The following RARB variants were observed in gnomAD, a reference collection of about 807,000 sequenced individuals.
RARB encodes the protein HBV-activated protein.
Under a neutral mutation model 51.9 loss-of-function variants are expected in RARB, and 17 were observed. That is an observed-to-expected ratio of 0.33 (90% CI 0.22 to 0.49). The LOEUF (loss-of-function observed/expected upper bound fraction) is 0.49. RARB is among the 20% of genes least tolerant of loss of function. RARB has a pLI of 0.99. For missense variants in RARB, 369 were observed against 550.8 expected (o/e 0.67, Z 3.30); for synonymous variants, 215 against 195.4 (o/e 1.10, Z -0.84).
At chr3:25,553,321 C>G (rs1418635417) in intron 3 of RARB, among the ~76,000 whole-genome samples, 1 of 152,186 alleles carries the variant, frequency 6.6e-6, no homozygotes, top group Non-Finnish European at 1.5e-5. Flanking sequence ...TTCACCACCC[C>G]TCAAGGAATG....
At chr3:25,430,644 G>A (rs531716694) in intron 1 of RARB, among the ~76,000 whole-genome samples, 8 of 152,202 alleles carry the variant, frequency 5.3e-5, no homozygotes, top group African/African-American at 9.7e-5. Flanking sequence ...TAGGGAGAGC[G>A]AGCGGTGAAT....
At position 25,576,565 on chromosome 3, in the gene RARB, G is replaced by A. The variant is rs116301462; in HGVS notation, c.610-3981G>A. 6.0e-3 allele frequency among the ~76,000 whole-genome samples: 916 copies of A among 152,312 alleles called. 9 individuals are homozygous for A. Among genetic ancestry groups the A allele is most frequent in the African/African-American group, 0.021 (878 of 41,566 alleles). ...TTTCCAAGGTCATGTCCCAGCTCAGGAATCTTAGACGATGGTGGTCCAGGA... is the reference window on the plus strand; with the variant it reads ...TTTCCAAGGTCATGTCCCAGCTCAGAAATCTTAGACGATGGTGGTCCAGGA... On this transcript the variant is annotated intron_variant, in intron 4 of 7. Transcript: ENST00000330688.
chr3:25,348,190 G>A (rs1705452655), intron 5 of RARB, among the ~76,000 whole-genome samples: 1 of 152,030 alleles, frequency 6.6e-6, no homozygotes, highest in South Asian at 2.1e-4. Context: ...GACAAATTTA[G>A]GTAACCCCAC....
At chr3:25,560,108 A>G (rs969111120) in intron 3 of RARB, among the ~76,000 whole-genome samples, 3 of 152,222 alleles carry the variant, frequency 2.0e-5, no homozygotes. Flanking sequence ...TCTAAAAATT[A>G]ATAGAATGCA....
At chr3:24,900,815 A>T (rs1033068307) in intron 2 of RARB, among the ~76,000 whole-genome samples, 2 of 152,226 alleles carry the variant, frequency 1.3e-5, no homozygotes, top group African/African-American at 4.8e-5. Context: ...AAGTGATGTT[A>T]TAATAAAATT....
chr3:25,236,791 C>A (rs1468275506), intron 5 of RARB, among the ~76,000 whole-genome samples: 1 of 151,796 alleles, frequency 6.6e-6, no homozygotes, highest in African/African-American at 2.4e-5. Context: ...TCTCCTCATG[C>A]AATACATTTT....
At chr3:25,252,339 G>A (rs541587419) in intron 5 of RARB, among the ~76,000 whole-genome samples, 1 of 152,174 alleles carries the variant, frequency 6.6e-6, no homozygotes, top group East Asian at 1.9e-4. Context: ...GGGGACCTTT[G>A]CAATTATATA....
chr3:25,490,438 G>C (rs933207512), intron 2 of RARB, among the ~76,000 whole-genome samples: 16 of 152,180 alleles, frequency 1.1e-4, no homozygotes, highest in African/African-American at 3.6e-4. Flanking sequence ...TTATGGTAGA[G>C]CCATGTTCTG....
At chr3:25,236,345 C>G (rs1022934515) in intron 5 of RARB, among the ~76,000 whole-genome samples, 1 of 152,110 alleles carries the variant, frequency 6.6e-6, no homozygotes, top group Non-Finnish European at 1.5e-5. Flanking sequence ...GATAATAATA[C>G]CCTGTTAATT....
Position 25,343,242 on chromosome 3 carries a change from T to A in RARB, c.179-117951T>A, listed in dbSNP as rs17016221. 6.5e-3 allele frequency among the ~76,000 whole-genome samples: 992 copies of A among 152,274 alleles called. 11 individuals are homozygous for A. The highest frequency in any genetic ancestry group is 0.023 in the African/African-American group (948 of 41,552). ...TTCTCTCTGCTCTTCTACTCTAGGC[T>A]ATGAGAATCTTGGAGGTAAGAACCA... is the stretch of plus-strand genomic sequence containing the variant. On this transcript the variant is annotated intron_variant, in intron 5 of 11. Coordinates refer to the RARB transcript ENST00000383772.
Position 25,271,020 on chromosome 3 carries a change from A to G in RARB, c.178+96445A>G, listed in dbSNP as rs182820631. On this transcript the variant is annotated intron_variant, in intron 5 of 11. Coordinates refer to the RARB transcript ENST00000383772. ...AGATCTTCTTTTATTCCATAAGTAC[A>G]TCACTCATTCCAGCTTCTAGTGAAA... Among the ~76,000 whole-genome samples, 3 of 150,616 alleles carry G rather than the reference A, an allele frequency of 2.0e-5. No homozygotes were observed. The East Asian group carries it at 6.1e-4, about 30-fold the overall frequency.
At chr3:25,033,413 G>A (rs6809400) in intron 2 of RARB, among the ~76,000 whole-genome samples, 3,670 of 152,294 alleles carry the variant, frequency 0.024, 153 homozygotes, top group African/African-American at 0.084. Flanking sequence ...ATGTGGGAGA[G>A]ATGGTGAATC....
intron 2 of RARB, among the ~76,000 whole-genome samples, chr3:24,993,931 A>T (rs1483534229): frequency 1.3e-5 from 2 of 152,138 alleles, no homozygotes; most frequent in African/African-American, 4.8e-5. Context: ...TTGATTCCGT[A>T]TCTTGGCTAT....
intron 5 of RARB, among the ~76,000 whole-genome samples, chr3:25,246,158 T>C (rs1459398680): frequency 6.6e-6 from 1 of 152,128 alleles, no homozygotes; most frequent in Non-Finnish European, 1.5e-5. Flanking sequence ...TGCTGTGTTT[T>C]TCAGCTCCAT....
Position 25,163,504 on chromosome 3 carries a change from A to AATATATATATATATATAT in RARB, c.-279-10598_-279-10581dup, listed in dbSNP as rs138389529. Among the ~76,000 whole-genome samples the AATATATATATATATATAT allele has an allele frequency of 4.0e-3, 527 of 130,808 alleles. 2 individuals carry two copies. The highest frequency in any genetic ancestry group is 5.1e-3 in the Non-Finnish European group (318 of 62,702). The allele number at this position is 130,808 out of a possible 152,430, so 85.8% of individuals were successfully genotyped here. ...TGAGCAGAATAAGACCCTATCTCAA[A>AATATATATATATATATAT]ATATATATATATATATATATATATA... is the stretch of plus-strand genomic sequence containing the variant. On this transcript the variant is annotated intron_variant, in intron 4 of 11. Transcript: ENST00000383772.
At chr3:24,908,380 ACAGT>A (rs773820025) in intron 2 of RARB, among the ~76,000 whole-genome samples, 11 of 152,344 alleles carry the variant, frequency 7.2e-5, no homozygotes, top group Non-Finnish European at 1.6e-4. Context: ...AGAAGAGATT[ACAGT>A]CACCATATGC....
At chr3:25,024,729 G>A (rs1056966551) in intron 2 of RARB, among the ~76,000 whole-genome samples, 7 of 152,048 alleles carry the variant, frequency 4.6e-5, no homozygotes, top group Admixed American at 4.6e-4. Context: ...AGACGGGCCA[G>A]ATCACTTGAG....
intron 3 of RARB, among the ~76,000 whole-genome samples, chr3:25,107,112 G>T (rs1699521308): frequency 6.6e-6 from 1 of 152,118 alleles, no homozygotes; most frequent in South Asian, 2.1e-4. Context: ...TGTTGACCAG[G>T]CTGGTCATGA....
intron 5 of RARB, among the ~76,000 whole-genome samples, chr3:25,254,829 C>T (rs1702821977): frequency 6.6e-6 from 1 of 152,120 alleles, no homozygotes; most frequent in Non-Finnish European, 1.5e-5. Flanking sequence ...TTTGACTCTG[C>T]CATTACCTTG....
Sources: gnomAD v4.1 joint callset for allele counts (sites outside exome capture counted in the v4.1 genomes callset) on GRCh38, gnomAD v4.1.1 for gene constraint, MANE v1.5 for transcripts, NCBI Gene and HGNC (gene_info 2026-07-23, HGNC 2026-07-21) for gene names.